ZFHX3: variants seen among roughly 807,000 people sequenced by gnomAD.
The protein encoded by ZFHX3 is zinc finger homeobox 3, also known as zinc finger homeobox protein 3.
Under a neutral mutation model 279.1 loss-of-function variants are expected in ZFHX3, and 42 were observed. That is an observed-to-expected ratio of 0.15 (90% CI 0.12 to 0.19). ZFHX3 has a LOEUF of 0.19. ZFHX3 is among the 10% of genes least tolerant of loss of function. ZFHX3 has a pLI of 1.00. For synonymous variants in ZFHX3, 2,293 were observed against 1,957.8 expected (o/e 1.17, Z -4.52); for missense variants, 4,981 against 4,754.0 (o/e 1.05, Z -1.40).
chr16:72,849,313 G>C (rs897754769), intron 4 of ZFHX3, among the ~76,000 whole-genome samples: 1 of 152,194 alleles, frequency 6.6e-6, no homozygotes, highest in African/African-American at 2.4e-5. Context: ...GAAAAACGTG[G>C]CTTGGTCTCC....
chr16:73,002,459 T>C (rs1441737789), intron 1 of ZFHX3, among the ~76,000 whole-genome samples: 1 of 152,122 alleles, frequency 6.6e-6, no homozygotes, highest in Non-Finnish European at 1.5e-5. Context: ...ATATCACAAC[T>C]GCATACTGCC....
chr16:73,447,775 C>T (rs7190588), intron 3 of ZFHX3, among the ~76,000 whole-genome samples: 4,010 of 152,258 alleles, frequency 0.026, 177 homozygotes, highest in African/African-American at 0.092. Flanking sequence ...CAGAGGTCTA[C>T]ACGGAGCTCT....
intron 1 of ZFHX3, among the ~76,000 whole-genome samples, chr16:73,790,135 G>A (rs1959778860): frequency 6.6e-6 from 1 of 152,128 alleles, no homozygotes; most frequent in African/African-American, 2.4e-5. Context: ...GGGAGAATTG[G>A]GTTGGCTGTT....
chr16:73,788,778 T>A (rs1288467149), intron 1 of ZFHX3, among the ~76,000 whole-genome samples: 5 of 150,500 alleles, frequency 3.3e-5, no homozygotes, highest in Non-Finnish European at 7.4e-5. Flanking sequence ...ATAGAGACCA[T>A]CCTGGCTAAC....
At chr16:73,248,030 T>C (rs1394381781) in intron 5 of ZFHX3, among the ~76,000 whole-genome samples, 1 of 151,966 alleles carries the variant, frequency 6.6e-6, no homozygotes, top group Non-Finnish European at 1.5e-5. Flanking sequence ...AATGTGTGTG[T>C]GTATATGTAC....
At chr16:72,940,871 C>T (rs746503792) in intron 3 of ZFHX3, among the ~76,000 whole-genome samples, 5 of 152,232 alleles carry the variant, frequency 3.3e-5, no homozygotes, top group Non-Finnish European at 5.9e-5. Context: ...AGGAGGGGGA[C>T]CCTAGAGAAC....
In ZFHX3 at chr16:72,950,886, G is replaced by A. The variant is rs1162175800; in HGVS notation, c.2799C>T (p.Ser933=). The A allele has an allele frequency of 6.2e-7, 1 of 1,614,030 alleles. No individual in the cohort carries two copies. Among genetic ancestry groups the A allele is most frequent in the Admixed American group, 1.7e-5 (1 of 60,022 alleles). Residue 933 remains serine, a synonymous_variant, in exon 3 of 10, where the codon AGC becomes AGT. Coordinates refer to ENST00000268489, the MANE Select transcript of ZFHX3 (RefSeq NM_006885.4). ...VSEELMNLGE[S]FIQTNDPSLK... is the part of the protein sequence containing the mutation. ...GCGACGGGTCGTTGGTCTGGATGAA[G>A]CTCTCGCCCAGGTTCATCAGCTCCT...
At chr16:73,534,148 T>G (rs2019854149) in intron 2 of ZFHX3, among the ~76,000 whole-genome samples, 1 of 152,122 alleles carries the variant, frequency 6.6e-6, no homozygotes, top group African/African-American at 2.4e-5. Flanking sequence ...CTCTATGACC[T>G]CCTACTTCTC....
chr16:73,776,276 T>G (rs1959242431), intron 1 of ZFHX3, among the ~76,000 whole-genome samples: 1 of 152,104 alleles, frequency 6.6e-6, no homozygotes, highest in South Asian at 2.1e-4. Flanking sequence ...GAGCTTAAAT[T>G]GTTAGGGTCC....
chr16:73,420,664 A>G (rs1023182413), intron 3 of ZFHX3: 7 of 152,266 alleles, frequency 4.6e-5, no homozygotes, highest in African/African-American at 1.7e-4. Context: ...CAGATTTTTG[A>G]TGAACCAAGC....
intron 5 of ZFHX3, among the ~76,000 whole-genome samples, chr16:72,827,190 C>A (rs1414821087): frequency 6.6e-6 from 1 of 152,172 alleles, no homozygotes; most frequent in South Asian, 2.1e-4. Flanking sequence ...TCCCTCAGCT[C>A]AAAATTCCCA....
rs373464815 is a variant in ZFHX3, at chr16:72,925,747, C to T, written c.3216+24722G>A. Among the ~76,000 whole-genome samples the T allele has an allele frequency of 6.6e-5, 10 of 152,358 alleles. 1 individual carries two copies. In the East Asian group the frequency reaches 1.3e-3, roughly 21 times the overall value. ...TATAGGGCTGGGAAACCAAGTGTCACCTTCGGGCCTACTCCTTCCCTGACC... is the reference window on the plus strand; with the variant it reads ...TATAGGGCTGGGAAACCAAGTGTCATCTTCGGGCCTACTCCTTCCCTGACC... On this transcript the variant is annotated intron_variant, in intron 3 of 9. Transcript: ENST00000268489.
At position 72,959,435 on chromosome 16, in the gene ZFHX3, T is replaced by C. The variant is rs748409343; in HGVS notation, c.711A>G (p.Arg237=). ...VLHSFRVFDV[R]HKSNKDYLNS... ...TCAGGTAATCCTTGTTGCTTTTGTGTCGCACGTCAAACACGCGGAAGCTGT... is the reference window on the plus strand; with the variant it reads ...TCAGGTAATCCTTGTTGCTTTTGTGCCGCACGTCAAACACGCGGAAGCTGT... The change falls in exon 2 of 10, where the codon CGA becomes CGG. Residue 237 remains arginine, a synonymous_variant. Coordinates refer to ENST00000268489, the MANE Select transcript of ZFHX3 (RefSeq NM_006885.4). 1.2e-6 allele frequency: 2 copies of C among 1,614,216 alleles called. No individual in the cohort carries two copies. Among genetic ancestry groups the C allele is most frequent in the Non-Finnish European group, 1.7e-6 (2 of 1,180,022 alleles).
At chr16:73,887,437 T>C (rs1233001142) in intron 1 of ZFHX3, among the ~76,000 whole-genome samples, 1 of 152,200 alleles carries the variant, frequency 6.6e-6, no homozygotes, top group Non-Finnish European at 1.5e-5. Flanking sequence ...TCTATACATG[T>C]TCTATAAAGA....
chr16:73,578,167 T>C (rs2051820505), intron 2 of ZFHX3, among the ~76,000 whole-genome samples: 2 of 152,232 alleles, frequency 1.3e-5, no homozygotes, highest in African/African-American at 4.8e-5. Flanking sequence ...TACCTGGGGT[T>C]ACTTGATGAA....
chr16:73,424,752 T>TC (rs1338954887), intron 3 of ZFHX3, among the ~76,000 whole-genome samples: 2 of 11,882 alleles, frequency 1.7e-4, no homozygotes, highest in Admixed American at 8.2e-4. Flanking sequence ...ATACCCTGTG[T>TC]CAAAAAAAAA....
At chr16:72,864,967 G>T (rs966851419) in intron 4 of ZFHX3, among the ~76,000 whole-genome samples, 2 of 152,190 alleles carry the variant, frequency 1.3e-5, no homozygotes, top group African/African-American at 4.8e-5. Context: ...TGCATTTCCA[G>T]CCAGGATAGC....
chr16:73,842,626 C>G (rs1205392975), intron 1 of ZFHX3, among the ~76,000 whole-genome samples: 1 of 152,104 alleles, frequency 6.6e-6, no homozygotes, highest in East Asian at 1.9e-4. Context: ...ATATGCAGGA[C>G]AGTGACAGCC....
At chr16:73,703,570 A>G (rs2053273503) in intron 1 of ZFHX3, among the ~76,000 whole-genome samples, 1 of 152,098 alleles carries the variant, frequency 6.6e-6, no homozygotes, top group Non-Finnish European at 1.5e-5. Context: ...AAGCAGAGAG[A>G]GTCATGAAAC....
Sources: allele counts gnomAD v4.1 joint callset (sites outside exome capture counted in the v4.1 genomes callset), GRCh38; gene constraint gnomAD v4.1.1; transcripts MANE v1.5; gene names NCBI Gene and HGNC (gene_info 2026-07-23, HGNC 2026-07-21).